The following GORAB variants were observed in gnomAD, a reference collection of about 807,000 sequenced individuals.
GORAB encodes golgin, RAB6 interacting.
In GORAB, 17 loss-of-function variants were observed where a neutral mutation model predicts 29.9. That is an observed-to-expected ratio of 0.57 (90% CI 0.39 to 0.85). The LOEUF (loss-of-function observed/expected upper bound fraction) is 0.85. Among genes scored for constraint, GORAB ranks in the 40% least tolerant of loss-of-function variants. The probability of loss-of-function intolerance (pLI) is 0.00; values close to 1 mark genes in which losing one functional copy is unlikely to be tolerated. For synonymous variants in GORAB, 183 were observed against 157.2 expected, an observed-to-expected ratio of 1.16 and a Z score of -1.23; for missense variants, 442 against 437.8, an observed-to-expected ratio of 1.01 and a Z score of -0.09.
chr1:170,550,994 G>T (rs1372713858), intron 4 of GORAB, among the ~76,000 whole-genome samples: 1 of 152,178 alleles, frequency 6.6e-6, no homozygotes, highest in African/African-American at 2.4e-5. Flanking sequence ...TAGTAGAATT[G>T]CCCTATTTCA....
At position 170,552,147 on chromosome 1, in the gene GORAB, G is replaced by A. The variant is rs766368589; in HGVS notation, c.795G>A (p.Lys265=). Residue 265 remains lysine, a synonymous_variant, in exon 5 of 5, where the codon AAG becomes AAA. Transcript: ENST00000367763. ...AGCAAAATGAGCTCCGAAAGGCCAA[G>A]AAGTTGGAGGAGTTGATGCAACAAC... The part of the protein sequence containing the change: ...IIQQNELRKA[K]KLEELMQQLD... 1.2e-5 allele frequency: 20 copies of A among 1,614,006 alleles called. 1 individual carries two copies. The Admixed American group carries it at 3.3e-4, about 27-fold the overall frequency.
chr1:170,532,411 C>T (rs1317623207), intron 1 of GORAB, 127 bp downstream of exon 1: 4 of 1,021,326 alleles, frequency 3.9e-6, no homozygotes, highest in Admixed American at 1.8e-5. Context: ...GCTGTAAGTA[C>T]GTGGACTGGA....
chr1:170,538,529 C>A (rs2101819865), intron 1 of GORAB, among the ~76,000 whole-genome samples: 1 of 152,252 alleles, frequency 6.6e-6, no homozygotes, highest in African/African-American at 2.4e-5. Flanking sequence ...TATTTCCCCC[C>A]AGTTGTTTTA....
At chr1:170,538,520 A>ATT (rs1321756021) in intron 1 of GORAB, among the ~76,000 whole-genome samples, 1 of 152,156 alleles carries the variant, frequency 6.6e-6, no homozygotes, top group Non-Finnish European at 1.5e-5. Context: ...CTTTAAAGAT[A>ATT]TTTCCCCCCA....
At chr1:170,536,117 T>TA (rs940365712) in intron 1 of GORAB, among the ~76,000 whole-genome samples, 9 of 152,194 alleles carry the variant, frequency 5.9e-5, no homozygotes, top group Admixed American at 5.9e-4. Context: ...ACATTGCCAC[T>TA]AACGTGGTAT....
intron 1 of GORAB, chr1:170,533,535 A>G (rs1648849129): frequency 2.2e-6 from 1 of 454,902 alleles, no homozygotes; most frequent in Non-Finnish European, 4.4e-6. Context: ...GTTATGTGAT[A>G]GTAGATATTG....
intron 1 of GORAB, chr1:170,533,331 G>A (rs895896675): frequency 4.1e-6 from 1 of 243,680 alleles, no homozygotes; most frequent in African/African-American, 2.2e-5. Flanking sequence ...ATTTTGACTG[G>A]TCCAGGGGAC....
At chr1:170,546,557 C>T (rs1450975898) in intron 4 of GORAB, among the ~76,000 whole-genome samples, 1 of 152,122 alleles carries the variant, frequency 6.6e-6, no homozygotes, top group East Asian at 1.9e-4. Flanking sequence ...ATCCTATAGT[C>T]TATAAGTATC....
Position 170,553,157 on chromosome 1 carries a change from C to G in GORAB, c.*695C>G, listed in dbSNP as rs1040729067. ...ACTATTTTATTGTCTTTCCTTTAAT[C>G]GATGAATTGATTAAATTTAGACAAT... On this transcript the variant is annotated 3_prime_UTR_variant, in exon 5 of 5. Coordinates refer to ENST00000367763, the MANE Select transcript of GORAB (RefSeq NM_152281.3). 2 of 432,380 alleles carry G rather than the reference C, an allele frequency of 4.6e-6. No homozygotes were observed. The highest frequency in any genetic ancestry group is 7.0e-5 in the East Asian group (1 of 14,198). 26.8% of individuals were successfully genotyped at this position (432,380 alleles called of 1,614,324 possible).
At chr1:170,545,318 TAAAAG>T (rs1289839657) in intron 4 of GORAB, 2 of 976,004 alleles carry the variant, frequency 2.0e-6, no homozygotes, top group Non-Finnish European at 1.2e-6. Flanking sequence ...GTTTAGTTTT[TAAAAG>T]CTTATGAATA....
At position 170,552,647 on chromosome 1, in the gene GORAB, G is replaced by T; in HGVS notation, c.*185G>T. On this transcript the variant is annotated 3_prime_UTR_variant, in exon 5 of 5. Coordinates refer to ENST00000367763, the MANE Select transcript of GORAB (RefSeq NM_152281.3). ...AAAATTATGATAACTGTATTTCTAGGGGTATGTTTCACCTTGATTTTGGCC... is the reference window on the plus strand; with the variant it reads ...AAAATTATGATAACTGTATTTCTAGTGGTATGTTTCACCTTGATTTTGGCC... 1.5e-6 allele frequency: 1 copy of T among 659,116 alleles called. No individual in the cohort carries two copies. 40.8% of individuals were successfully genotyped at this position (659,116 alleles called of 1,614,324 possible).
intron 3 of GORAB, among the ~76,000 whole-genome samples, chr1:170,543,251 T>A (rs972283946): frequency 6.6e-6 from 1 of 152,208 alleles, no homozygotes; most frequent in Non-Finnish European, 1.5e-5. Flanking sequence ...CCCCCACCAC[T>A]CTTGCTGAGT....
chr1:170,548,945 A>T (rs1332552110), intron 4 of GORAB, among the ~76,000 whole-genome samples: 1 of 152,162 alleles, frequency 6.6e-6, no homozygotes, highest in African/African-American at 2.4e-5. Flanking sequence ...TATTTGAAAG[A>T]CTTAAGAAAA....
intron 1 of GORAB, chr1:170,533,623 T>G (rs750175270): frequency 1.3e-5 from 6 of 447,134 alleles, no homozygotes; most frequent in African/African-American, 1.2e-4. Flanking sequence ...TCACAAAGTT[T>G]GTGTGTTAGC....
At chr1:170,543,328 G>A (rs1649556344) in intron 3 of GORAB, among the ~76,000 whole-genome samples, 1 of 152,184 alleles carries the variant, frequency 6.6e-6, no homozygotes, top group South Asian at 2.1e-4. Context: ...CCATGGTTGT[G>A]AATAGTGAAA....
Position 170,539,242 on chromosome 1 carries a change from A to G in GORAB, c.94A>G (p.Lys32Glu), listed in dbSNP as rs1351434670. The G allele has an allele frequency of 1.2e-6, 2 of 1,614,162 alleles. No homozygotes were observed. The highest frequency in any genetic ancestry group is 1.7e-5 in the Admixed American group (1 of 60,004). ...PFEPQRRLPA[K>E]KSRQQLQREK... ...TGAACCACAGCGACGTCTCCCCGCG[A>G]AGAAAAGTCGACAACAACTTCAGCG... The change falls in exon 2 of 5, where the codon AAG (lysine) becomes GAG (glutamate). Residue 32 changes from lysine to glutamate, a missense_variant. Lys to Glu is a moderately conservative substitution (Grantham distance 56, BLOSUM62 1). Coordinates refer to ENST00000367763, the MANE Select transcript of GORAB (RefSeq NM_152281.3).
chr1:170,538,973 C>T, intron 1 of GORAB: 3 of 552,024 alleles, frequency 5.4e-6, no homozygotes, highest in Non-Finnish European at 9.5e-6. Flanking sequence ...GATGGACTTT[C>T]TCTGAAGATA....
intron 4 of GORAB, among the ~76,000 whole-genome samples, chr1:170,547,585 C>T (rs1649840740): frequency 6.6e-6 from 1 of 152,182 alleles, no homozygotes; most frequent in African/African-American, 2.4e-5. Context: ...GTTTCATAGA[C>T]ACCCTCATAC....
At chr1:170,539,708 A>G in intron 2 of GORAB, 141 bp downstream of exon 2, 1 of 899,024 alleles carries the variant, frequency 1.1e-6, no homozygotes, top group Non-Finnish European at 1.6e-6. Flanking sequence ...TGATGTATAA[A>G]CTATTGAAAA....
Sources: allele counts gnomAD v4.1 joint callset (sites outside exome capture counted in the v4.1 genomes callset), GRCh38; gene constraint gnomAD v4.1.1; transcripts MANE v1.5; gene names NCBI Gene and HGNC (gene_info 2026-07-23, HGNC 2026-07-21).